The following SERGEF variants were observed in gnomAD, a reference collection of about 807,000 sequenced individuals.
The protein encoded by SERGEF is secretion-regulating guanine nucleotide exchange factor.
SERGEF carries 51 observed loss-of-function variants against 50.0 expected under a neutral mutation model. The ratio of observed to expected loss-of-function variants is 1.02; its 90% CI spans 0.81 to 1.29. The LOEUF (loss-of-function observed/expected upper bound fraction) is 1.29. Among genes scored for constraint, SERGEF ranks in the 50% most tolerant of loss-of-function variants. The pLI is 0.00. For synonymous variants in SERGEF, 205 were observed against 212.4 expected (o/e 0.97, Z 0.30); for missense variants, 521 against 557.0 (o/e 0.94, Z 0.65).
chr11:17,830,653 A>AGAGAGAGGGGGG (rs1850287195), intron 10 of SERGEF, among the ~76,000 whole-genome samples: 1 of 99,024 alleles, frequency 1.0e-5, no homozygotes, highest in African/African-American at 3.5e-5. Flanking sequence ...AGGGAGGGAG[A>AGAGAGAGGGGGG]GAGAGAGAGA....
At chr11:17,867,589 C>T (rs1851055186) in intron 10 of SERGEF, among the ~76,000 whole-genome samples, 1 of 152,192 alleles carries the variant, frequency 6.6e-6, no homozygotes, top group Non-Finnish European at 1.5e-5. Context: ...GGATAGTGGC[C>T]CTCTTCTCAC....
intron 10 of SERGEF, among the ~76,000 whole-genome samples, chr11:17,838,941 G>A (rs1360923266): frequency 6.6e-6 from 1 of 152,168 alleles, no homozygotes. Flanking sequence ...TAATTAGTTG[G>A]GTGACCTAAG....
At chr11:17,958,545 T>C (rs1852922257) in intron 9 of SERGEF, among the ~76,000 whole-genome samples, 1 of 152,190 alleles carries the variant, frequency 6.6e-6, no homozygotes, top group Non-Finnish European at 1.5e-5. Context: ...AATAAGCAAC[T>C]GAACTACAGT....
intron 10 of SERGEF, among the ~76,000 whole-genome samples, chr11:17,834,900 C>T (rs367781992): frequency 1.2e-4 from 19 of 152,310 alleles, no homozygotes; most frequent in African/African-American, 4.6e-4. Context: ...CTGGTTCACA[C>T]ATCTTTTGTC....
In SERGEF at chr11:17,870,663, G is replaced by A. The variant is rs181534422; in HGVS notation, c.1048+7545C>T. 3.0e-4 allele frequency among the ~76,000 whole-genome samples: 45 copies of A among 152,178 alleles called. No individual in the cohort carries two copies. The East Asian group carries it at 8.5e-3, about 29-fold the overall frequency. On this transcript the variant is annotated intron_variant, in intron 10 of 10. Transcript: ENST00000265965. The stretch of plus-strand genomic sequence containing the variant: ...TAGCAACAATGAACAAAACTAATAC[G>A]GGTGTGAATGAAAAACTCCTCATAA...
chr11:17,830,819 A>T (rs1850295274), intron 10 of SERGEF, among the ~76,000 whole-genome samples: 1 of 152,168 alleles, frequency 6.6e-6, no homozygotes, highest in Non-Finnish European at 1.5e-5. Context: ...ACCAAGTTTT[A>T]ACATGAATTT....
chr11:17,924,548 G>A (rs1478922927), intron 9 of SERGEF, among the ~76,000 whole-genome samples: 1 of 152,282 alleles, frequency 6.6e-6, no homozygotes, highest in East Asian at 1.9e-4. Context: ...AAAAGCCACT[G>A]CAGGGTTTTG....
At position 17,925,527 on chromosome 11, in the gene SERGEF, T is replaced by G. The variant is rs897774632; in HGVS notation, c.1011+33943A>C. 3.3e-5 allele frequency among the ~76,000 whole-genome samples: 5 copies of G among 152,206 alleles called. No homozygotes were observed. The East Asian group carries it at 5.8e-4, about 18-fold the overall frequency. ...ACACAAAATAGTTGCCTTTTCTGCT[T>G]CTTTCCTTGCTTTCAATCTAATTAG... On this transcript the variant is annotated intron_variant, in intron 9 of 10. Transcript: ENST00000265965.
chr11:18,006,204 G>A (rs1854070219), intron 3 of SERGEF, among the ~76,000 whole-genome samples: 1 of 152,130 alleles, frequency 6.6e-6, no homozygotes, highest in African/African-American at 2.4e-5. Flanking sequence ...TGTTGCTCAG[G>A]CTGGGGTGCA....
intron 10 of SERGEF, among the ~76,000 whole-genome samples, chr11:17,864,197 G>A (rs1382409784): frequency 6.6e-6 from 1 of 152,240 alleles, no homozygotes; most frequent in Non-Finnish European, 1.5e-5. Flanking sequence ...CACAAATGCA[G>A]TTTCTACTAC....
intron 10 of SERGEF, among the ~76,000 whole-genome samples, chr11:17,799,320 G>A (rs1220929315): frequency 1.3e-5 from 2 of 152,144 alleles, no homozygotes; most frequent in African/African-American, 2.4e-5. Flanking sequence ...TGCTGAACCC[G>A]CGGCCTGCAA....
chr11:17,876,716 G>T (rs17793144), intron 10 of SERGEF, among the ~76,000 whole-genome samples: 3,818 of 152,328 alleles, frequency 0.025, 73 homozygotes, highest in Non-Finnish European at 0.036. Context: ...TCTGGATTTT[G>T]TGCTTTCACA....
intron 9 of SERGEF, chr11:17,939,624 G>T (rs1437015809): frequency 6.6e-6 from 1 of 152,304 alleles, no homozygotes; most frequent in Non-Finnish European, 1.5e-5. Flanking sequence ...TGGATCACCA[G>T]GTATGCCTAG....
At chr11:17,872,887 G>C (rs2133893618) in intron 10 of SERGEF, among the ~76,000 whole-genome samples, 1 of 152,130 alleles carries the variant, frequency 6.6e-6, no homozygotes, top group South Asian at 2.1e-4. Flanking sequence ...ACTGAGAAAT[G>C]AGTATAGTAT....
At chr11:17,946,433 C>G (rs979886320) in intron 9 of SERGEF, among the ~76,000 whole-genome samples, 2 of 152,166 alleles carry the variant, frequency 1.3e-5, no homozygotes, top group African/African-American at 4.8e-5. Context: ...TGTATGCTAC[C>G]TGCTGTCATT....
At chr11:17,808,589 G>A (rs10766440) in intron 10 of SERGEF, among the ~76,000 whole-genome samples, 60,557 of 152,006 alleles carry the variant, frequency 0.4, 13,866 homozygotes, top group East Asian at 0.72. Context: ...ATTTCAACAC[G>A]AGATTTGGAG....
At chr11:17,971,017 A>T (rs1175296417) in intron 8 of SERGEF, among the ~76,000 whole-genome samples, 1 of 152,130 alleles carries the variant, frequency 6.6e-6, no homozygotes, top group East Asian at 1.9e-4. Flanking sequence ...ACATGGTGAA[A>T]CCCCGTCTCT....
At chr11:17,846,586 T>A in intron 10 of SERGEF, 1 of 418,724 alleles carries the variant, frequency 2.4e-6, no homozygotes, top group East Asian at 7.2e-5. Flanking sequence ...AAAAATCACC[T>A]CCAGCATGGT....
At chr11:17,929,852 C>A (rs1194689261) in intron 9 of SERGEF, among the ~76,000 whole-genome samples, 2 of 152,182 alleles carry the variant, frequency 1.3e-5, no homozygotes, top group Non-Finnish European at 2.9e-5. Context: ...ATTCCTACAG[C>A]ATTTCCTTTT....
Sources: allele counts gnomAD v4.1 joint callset (sites outside exome capture counted in the v4.1 genomes callset), GRCh38; gene constraint gnomAD v4.1.1; transcripts MANE v1.5; gene names NCBI Gene and HGNC (gene_info 2026-07-23, HGNC 2026-07-21).